ZNF654: variants seen among roughly 807,000 people sequenced by gnomAD.
ZNF654 encodes the protein melanoma-associated antigen.
ZNF654 carries 19 observed loss-of-function variants against 95.3 expected under a neutral mutation model. The ratio of observed to expected loss-of-function variants is 0.20; its 90% confidence interval spans 0.14 to 0.29. ZNF654 has a LOEUF of 0.29. Among genes scored for constraint, ZNF654 ranks in the 10% least tolerant of loss-of-function variants. ZNF654 has a pLI of 1.00. For missense variants in ZNF654, 1,046 were observed against 1,341.0 expected (o/e 0.78, Z 3.44); for synonymous variants, 413 against 457.9 (o/e 0.90, Z 1.25).
chr3:88,122,522 T>G (rs992210277), intron 3 of ZNF654, among the ~76,000 whole-genome samples: 4 of 152,144 alleles, frequency 2.6e-5, no homozygotes, highest in African/African-American at 7.2e-5. Flanking sequence ...TTAAGAAATG[T>G]ATTCTGAAAG....
At chr3:88,124,198 T>A (rs1705947326) in intron 3 of ZNF654, among the ~76,000 whole-genome samples, 1 of 152,218 alleles carries the variant, frequency 6.6e-6, no homozygotes, top group Non-Finnish European at 1.5e-5. Context: ...CCAAGCACTT[T>A]CTAGTACTGT....
intron 2 of ZNF654, among the ~76,000 whole-genome samples, chr3:88,097,905 A>G (rs1043583247): frequency 6.6e-6 from 1 of 152,204 alleles, no homozygotes; most frequent in African/African-American, 2.4e-5. Context: ...TGACACCCTA[A>G]TATCACAATT....
At chr3:88,084,353 G>A (rs947710351) in intron 1 of ZNF654, among the ~76,000 whole-genome samples, 1 of 152,196 alleles carries the variant, frequency 6.6e-6, no homozygotes, top group African/African-American at 2.4e-5. Context: ...TATTTTTTAT[G>A]TGGCACCGGA....
At chr3:88,110,319 G>T (rs1705011232) in intron 2 of ZNF654, among the ~76,000 whole-genome samples, 1 of 152,208 alleles carries the variant, frequency 6.6e-6, no homozygotes, top group Admixed American at 6.5e-5. Flanking sequence ...ATTATAGGCT[G>T]TCTGCCTATA....
At position 88,138,941 on chromosome 3, in the gene ZNF654, A is replaced by G; in HGVS notation, c.1272A>G (p.Glu424=). Residue 424 remains glutamate (E), a synonymous_variant, in exon 8 of 9, where the codon GAA becomes GAG. Coordinates refer to ENST00000636215, the MANE Select transcript of ZNF654 (RefSeq NM_001350134.2). ...AACGTCCAGATGAAGAATATAATGA[A>G]GGCACAAGTAGTGTTCAAAATCGTG... is the stretch of plus-strand genomic sequence containing the variant. ...LYKRPDEEYN[E]GTSSVQNRVR... 5 of 1,237,214 alleles carry G rather than the reference A, an allele frequency of 4.0e-6. No individual in the cohort carries two copies. Among genetic ancestry groups the G allele is most frequent in the Non-Finnish European group, 5.0e-6 (5 of 991,620 alleles). 76.6% of individuals were successfully genotyped at this position (1,237,214 alleles called of 1,614,324 possible).
intron 2 of ZNF654, among the ~76,000 whole-genome samples, chr3:88,090,435 G>T (rs1327752844): frequency 6.6e-6 from 1 of 151,904 alleles, no homozygotes; most frequent in South Asian, 2.1e-4. Flanking sequence ...TAAAGAATAA[G>T]GATATAAAGA....
In ZNF654 at chr3:88,144,035, A is replaced by G. The variant is rs1355135685; in HGVS notation, c.*2383A>G. 1 of 152,330 alleles carries G rather than the reference A, an allele frequency of 6.6e-6. No homozygotes were observed. The highest frequency in any genetic ancestry group is 1.5e-5 in the Non-Finnish European group (1 of 67,798). The allele number at this position is 152,330 out of a possible 1,614,324, so 9.4% of individuals were successfully genotyped here. On this transcript the variant is annotated 3_prime_UTR_variant, in exon 9 of 9. Transcript: ENST00000636215. ...TGTTTTGAGGATGTATTCATCCTAC[A>G]TGGACCAAGTTTCAAATCTTTGTTT... is the stretch of plus-strand genomic sequence containing the variant.
intron 1 of ZNF654, among the ~76,000 whole-genome samples, chr3:88,085,443 TAAA>T (rs1708290389): frequency 6.6e-6 from 1 of 152,186 alleles, no homozygotes; most frequent in Admixed American, 6.5e-5. Flanking sequence ...TCCAACCACT[TAAA>T]AATGTAAAAT....
chr3:88,129,037 A>ATTAC (rs999256088), intron 5 of ZNF654, 26 bp downstream of exon 5: 2 of 1,493,000 alleles, frequency 1.3e-6, no homozygotes, highest in African/African-American at 2.8e-5. Flanking sequence ...ATTTTTGCCT[A>ATTAC]TTACCATTTT....
chr3:88,137,107 A>G lies in ZNF654; in HGVS notation c.1036-1598A>G, dbSNP rs374029259. On this transcript the variant is annotated intron_variant, in intron 7 of 8. Coordinates refer to ENST00000636215, the MANE Select transcript of ZNF654 (RefSeq NM_001350134.2). Reference sequence around the variant, plus strand: ...CTACTGGGGAGGCTGAGGCAGGAGAATTGCTTGAACCCGGGAGGCAGAGGT... The same window carrying G: ...CTACTGGGGAGGCTGAGGCAGGAGAGTTGCTTGAACCCGGGAGGCAGAGGT... Among the ~76,000 whole-genome samples the G allele has an allele frequency of 5.9e-3, 801 of 136,658 alleles. 5 individuals carry two copies. The highest frequency in any genetic ancestry group is 0.018 in the African/African-American group (687 of 37,770). 89.7% of individuals were successfully genotyped at this position (136,658 alleles called of 152,430 possible). A position where few individuals can be genotyped will look rare whatever the true frequency, so the allele number is the denominator to read the frequency against.
intron 6 of ZNF654, among the ~76,000 whole-genome samples, chr3:88,132,271 C>T (rs1240813735): frequency 1.3e-5 from 2 of 151,934 alleles, no homozygotes; most frequent in South Asian, 2.1e-4. Flanking sequence ...GGGTGACTGA[C>T]GTCATTATAT....
Position 88,128,845 on chromosome 3 carries a change from T to A in ZNF654, c.587T>A (p.Phe196Tyr). 1 of 1,535,532 alleles carries A rather than the reference T, an allele frequency of 6.5e-7. No individual in the cohort carries two copies. The highest frequency in any genetic ancestry group is 8.7e-7 in the Non-Finnish European group (1 of 1,146,530). Residue 196 changes from phenylalanine to tyrosine, a missense_variant, in exon 5 of 9, where the codon TTT becomes TAT. Around this residue, in one of 9 missense-constraint regions of ZNF654, gnomAD observed 91 missense variants for 190.5 expected, o/e 0.48. Transcript: ENST00000636215. The part of the protein sequence containing the change: ...KYLSSENPLF[F>Y]ELRARYLIAC... ...TTAAGTTCTGAAAATCCACTGTTCT[T>A]TGAACTACGTGCCAGATACCTAATT...
rs1205160947 is a variant in ZNF654 at position 88,141,630 on chromosome 3, T to C, written c.3380-15T>C. Reference sequence around the variant, plus strand: ...TCAATAAAACTTGCATTAACAGATGTGTTCTGTTTTACAGGTGCCTGATGA... The same window carrying C: ...TCAATAAAACTTGCATTAACAGATGCGTTCTGTTTTACAGGTGCCTGATGA... On this transcript the variant is annotated splice_polypyrimidine_tract_variant and intron_variant, in intron 8 of 8. Coordinates refer to ENST00000636215, the MANE Select transcript of ZNF654 (RefSeq NM_001350134.2). 1.3e-6 allele frequency: 2 copies of C among 1,489,676 alleles called. No homozygotes were observed. Among genetic ancestry groups the C allele is most frequent in the East Asian group, 2.4e-5 (1 of 41,504 alleles). The allele number at this position is 1,489,676 out of a possible 1,614,324, so 92.3% of individuals were successfully genotyped here.
chr3:88,093,286 G>A (rs945660811), intron 2 of ZNF654, among the ~76,000 whole-genome samples: 5 of 152,162 alleles, frequency 3.3e-5, no homozygotes, highest in African/African-American at 9.7e-5. Flanking sequence ...AAACTAAGTG[G>A]ACTTTCAGGC....
intron 3 of ZNF654, among the ~76,000 whole-genome samples, chr3:88,121,887 C>A (rs1223979487): frequency 6.6e-6 from 1 of 152,156 alleles, no homozygotes; most frequent in Non-Finnish European, 1.5e-5. Flanking sequence ...GTTCAGACTC[C>A]ATAGTGCTTC....
At position 88,140,662 on chromosome 3, in the gene ZNF654, A is replaced by T. The variant is rs1707067361; in HGVS notation, c.2993A>T (p.Asp998Val). ...LVSSDPALKI[D>V]TNRIRTENGS... Reference sequence around the variant, plus strand: ...TCATCAGATCCTGCTTTGAAAATTGATACAAACAGAATCAGGACAGAAAAT... The same window carrying T: ...TCATCAGATCCTGCTTTGAAAATTGTTACAAACAGAATCAGGACAGAAAAT... The change falls in exon 8 of 9, where the codon GAT becomes GTT. Residue 998 changes from aspartate (D) to valine (V), a missense_variant. Physicochemically the swap from Asp to Val is radical, Grantham distance 152. This residue lies in a region of ZNF654 where 495 missense variants were observed against 537.0 expected (regional missense o/e 0.92). Coordinates refer to ENST00000636215, the MANE Select transcript of ZNF654 (RefSeq NM_001350134.2). 7 of 1,613,762 alleles carry T rather than the reference A, an allele frequency of 4.3e-6. No individual in the cohort carries two copies. Among genetic ancestry groups the T allele is most frequent in the Non-Finnish European group, 5.9e-6 (7 of 1,179,750 alleles).
Position 88,139,239 on chromosome 3 carries a change from A to G in ZNF654, c.1570A>G (p.Ile524Val). The change falls in exon 8 of 9, where the codon ATT becomes GTT. Residue 524 changes from isoleucine to valine, a missense_variant. Physicochemically the swap from Ile to Val is conservative, Grantham distance 29. Around this residue, in one of 9 missense-constraint regions of ZNF654, gnomAD observed 100 missense variants for 108.9 expected, o/e 0.92. Transcript: ENST00000636215. ...DVSGVQPKGH[I>V]NTKKNLTALS... Reference sequence around the variant, plus strand: ...ATCTGGAGTGCAGCCTAAAGGTCATATTAATACGAAGAAAAATCTTACAGC... The same window carrying G: ...ATCTGGAGTGCAGCCTAAAGGTCATGTTAATACGAAGAAAAATCTTACAGC... 6.6e-7 allele frequency: 1 copy of G among 1,512,990 alleles called. No homozygotes were observed. 93.7% of individuals were successfully genotyped at this position (1,512,990 alleles called of 1,614,324 possible). A position where few individuals can be genotyped will look rare whatever the true frequency, so the allele number is the denominator to read the frequency against.
At chr3:88,138,096 G>A (rs1414727626) in intron 7 of ZNF654, among the ~76,000 whole-genome samples, 4 of 152,042 alleles carry the variant, frequency 2.6e-5, no homozygotes, top group Non-Finnish European at 5.9e-5. Flanking sequence ...ATAACTTCCA[G>A]GGGGCTCATT....
At chr3:88,136,799 C>T (rs1428224648) in intron 7 of ZNF654, among the ~76,000 whole-genome samples, 5 of 152,088 alleles carry the variant, frequency 3.3e-5, no homozygotes, top group Middle Eastern at 3.2e-3. Flanking sequence ...ATCCTGGAAC[C>T]ATCAAAAGAT....
Sources: allele counts gnomAD v4.1 joint callset (sites outside exome capture counted in the v4.1 genomes callset), GRCh38; gene constraint gnomAD v4.1.1; regional missense constraint gnomAD v4.1.1; transcripts MANE v1.5; gene names NCBI Gene and HGNC (gene_info 2026-07-23, HGNC 2026-07-21).